PITPNM2: variants seen among roughly 807,000 people sequenced by gnomAD.
PITPNM2 encodes membrane-associated phosphatidylinositol transfer protein 2.
A neutral mutation model predicts 132.2 loss-of-function variants in PITPNM2; 35 were observed. The observed-to-expected ratio is 0.26, with a 90% CI of 0.20 to 0.35. The LOEUF is 0.35. Among genes scored for constraint, PITPNM2 ranks in the 10% least tolerant of loss-of-function variants. The pLI is 1.00. For missense variants in PITPNM2, 1,332 were observed against 1,912.0 expected, an observed-to-expected ratio of 0.70 and a Z score of 5.66; for synonymous variants, 738 against 799.2, an observed-to-expected ratio of 0.92 and a Z score of 1.29.
intron 2 of PITPNM2, among the ~76,000 whole-genome samples, chr12:123,085,096 A>G (rs1313670102): frequency 6.6e-6 from 1 of 152,182 alleles, no homozygotes; most frequent in Non-Finnish European, 1.5e-5. Context: ...CCTGAGATGA[A>G]CCTAGAGTTG....
intron 3 of PITPNM2, chr12:123,021,810 C>A: frequency 1.5e-6 from 1 of 679,680 alleles, no homozygotes; most frequent in Non-Finnish European, 1.8e-6. Flanking sequence ...TCTGTGTGGT[C>A]TCTGATAAGT....
At chr12:123,143,636 G>A (rs1374514855) in intron 1 of PITPNM2, among the ~76,000 whole-genome samples, 1 of 152,178 alleles carries the variant, frequency 6.6e-6, no homozygotes, top group East Asian at 1.9e-4. Flanking sequence ...TCCTTTGGGA[G>A]AAGGATTGGT....
chr12:123,032,320 T>C (rs2040122486), intron 3 of PITPNM2, among the ~76,000 whole-genome samples: 1 of 152,092 alleles, frequency 6.6e-6, no homozygotes, highest in South Asian at 2.1e-4. Flanking sequence ...CTACTAAAAA[T>C]ACGAAAATTA....
intron 3 of PITPNM2, among the ~76,000 whole-genome samples, chr12:123,032,603 G>A (rs150363874): frequency 6.6e-6 from 1 of 152,300 alleles, no homozygotes; most frequent in African/African-American, 2.4e-5. Flanking sequence ...CAGTCCTCCC[G>A]ATCTTGACAG....
chr12:122,988,274 C>G lies in PITPNM2; in HGVS notation c.2957G>C (p.Arg986Thr). The G allele has an allele frequency of 6.2e-7, 1 of 1,613,396 alleles. No individual in the cohort carries two copies. Among genetic ancestry groups the G allele is most frequent in the Non-Finnish European group, 8.5e-7 (1 of 1,180,000 alleles). ...GGTCCGCTTGCGCTGCCACTTCTCC[C>G]TTGGCTTTGAGGGGGTGAACACCGA... ...EVSVFTPSKPREKWQRKRTHV... is the reference protein window; with the variant it reads ...EVSVFTPSKPTEKWQRKRTHV... Residue 986 changes from arginine to threonine, a missense_variant, in exon 20 of 26, where the codon AGG becomes ACG. This residue lies in a region of PITPNM2 where 251 missense variants were observed against 472.0 expected (regional missense o/e 0.53). Coordinates refer to ENST00000320201, the MANE Select transcript of PITPNM2 (RefSeq NM_020845.3).
At chr12:123,138,227 G>C (rs764570863) in intron 1 of PITPNM2, among the ~76,000 whole-genome samples, 1 of 151,880 alleles carries the variant, frequency 6.6e-6, no homozygotes, top group Non-Finnish European at 1.5e-5. Flanking sequence ...TGGGTGGATC[G>C]CTTGAGCTCA....
rs765299730 is a variant in PITPNM2, at chr12:123,031,723, A to G, written c.78+2790T>C. ...AGGAACACCAACAGCCTTGCCCCCA[A>G]TCTCCCCTCCAAGCATGCTAGTGCC... On this transcript the variant is annotated intron_variant, in intron 3 of 25. Transcript: ENST00000320201. The surrounding 1 kb of genome is among the most constrained non-coding windows in gnomAD (Gnocchi z 4.5). Among the ~76,000 whole-genome samples, 6 of 151,906 alleles carry G rather than the reference A, an allele frequency of 3.9e-5. No homozygotes were observed. The highest frequency in any genetic ancestry group is 2.6e-4 in the Admixed American group (4 of 15,248).
rs1409765467 is a variant in PITPNM2, at chr12:123,004,573, C to A, written c.953-84G>T. 1.5e-6 allele frequency: 2 copies of A among 1,301,718 alleles called. No homozygotes were observed. Among genetic ancestry groups the A allele is most frequent in the Non-Finnish European group, 2.2e-6 (2 of 905,662 alleles). The allele number at this position is 1,301,718 out of a possible 1,614,324, so 80.6% of individuals were successfully genotyped here. ...CTGAGCCGGCAGGAGGCAGGGAGGGCCACCCACAGGCCTGACAGGCATCAC... is the reference window on the plus strand; with the variant it reads ...CTGAGCCGGCAGGAGGCAGGGAGGGACACCCACAGGCCTGACAGGCATCAC... On this transcript the variant is annotated intron_variant, in intron 7 of 25. Transcript: ENST00000320201. The surrounding 1 kb of genome is among the most constrained non-coding windows in gnomAD (Gnocchi z 4.9).
At chr12:123,012,802 G>A in intron 4 of PITPNM2, 68 bp from the exon 5 acceptor site, 2 of 1,580,482 alleles carry the variant, frequency 1.3e-6, no homozygotes, top group Non-Finnish European at 1.7e-6. Flanking sequence ...GCCAGGGCCT[G>A]TTGACCCACT....
intron 1 of PITPNM2, among the ~76,000 whole-genome samples, chr12:123,131,199 G>A (rs1480005195): frequency 6.6e-6 from 1 of 152,188 alleles, no homozygotes. Flanking sequence ...GTTAAGGTGA[G>A]GTTGCACTGG....
Position 123,111,391 on chromosome 12 carries a change from T to C in PITPNM2, c.-199-903A>G, listed in dbSNP as rs1295572220. On this transcript the variant is annotated intron_variant, in intron 1 of 25. Transcript: ENST00000320201. The surrounding 1 kb of genome is among the most constrained non-coding windows in gnomAD (Gnocchi z 4.1). ...GCCCAATTCCAGGGCAACCCTGCTT[T>C]AGGAGCTGAGGACAGGCATGGTGGG... is the stretch of plus-strand genomic sequence containing the variant. 6.6e-6 allele frequency among the ~76,000 whole-genome samples: 1 copy of C among 152,202 alleles called. No homozygotes were observed. The highest frequency in any genetic ancestry group is 1.5e-5 in the Non-Finnish European group (1 of 68,038).
intron 2 of PITPNM2, among the ~76,000 whole-genome samples, chr12:123,050,430 A>G (rs1224006351): frequency 6.6e-6 from 1 of 152,206 alleles, no homozygotes; most frequent in East Asian, 1.9e-4. Flanking sequence ...CCATACAGTG[A>G]GTCAGGGCAG....
rs2042951677 is a variant in PITPNM2, at chr12:123,117,292, C to A, written c.-199-6804G>T. 6.6e-6 allele frequency among the ~76,000 whole-genome samples: 1 copy of A among 152,190 alleles called. No individual in the cohort carries two copies. Among genetic ancestry groups the A allele is most frequent in the African/African-American group, 2.4e-5 (1 of 41,442 alleles). ...GAGGCTGGGGAATTTCTCCAGTGATCCTACGGAGTAAGCTGGCCATCAGAT... is the reference window on the plus strand; with the variant it reads ...GAGGCTGGGGAATTTCTCCAGTGATACTACGGAGTAAGCTGGCCATCAGAT... On this transcript the variant is annotated intron_variant, in intron 1 of 25. Transcript: ENST00000320201. This position sits in a 1 kb window ranked among gnomAD's most constrained non-coding sequence, Gnocchi z 4.7.
intron 2 of PITPNM2, among the ~76,000 whole-genome samples, chr12:123,066,492 G>C (rs1013415827): frequency 5.3e-5 from 8 of 152,108 alleles, no homozygotes; most frequent in Non-Finnish European, 1.0e-4. Context: ...GAGTGAGTCC[G>C]TGACCTCACC....
chr12:123,101,581 G>A (rs150696005), intron 2 of PITPNM2, among the ~76,000 whole-genome samples: 41 of 152,222 alleles, frequency 2.7e-4, no homozygotes, highest in African/African-American at 8.7e-4. Context: ...TTATTTTTAC[G>A]TCCAGCACAT....
At chr12:123,091,141 G>A (rs2042250461) in intron 2 of PITPNM2, 1 of 152,270 alleles carries the variant, frequency 6.6e-6, no homozygotes, top group Non-Finnish European at 1.5e-5. Flanking sequence ...ACAGCAAGGA[G>A]CATCTGCTCT....
chr12:123,037,352 G>C (rs1324966274), intron 2 of PITPNM2, among the ~76,000 whole-genome samples: 1 of 152,182 alleles, frequency 6.6e-6, no homozygotes, highest in Non-Finnish European at 1.5e-5. Flanking sequence ...AGTTCAATGG[G>C]GGTTGTTTCT....
chr12:123,116,878 A>G (rs1420782740), intron 1 of PITPNM2, among the ~76,000 whole-genome samples: 5 of 152,174 alleles, frequency 3.3e-5, no homozygotes, highest in African/African-American at 9.7e-5. Context: ...GCAGCCAGCC[A>G]CCTTGTCAAT....
chr12:122,988,627 G>T, intron 19 of PITPNM2, 97 bp downstream of exon 19: 1 of 1,286,736 alleles, frequency 7.8e-7, no homozygotes, highest in Non-Finnish European at 1.1e-6. Context: ...TGATGGGGTT[G>T]GAGAGGAGTC....
Sources: allele counts gnomAD v4.1 joint callset (sites outside exome capture counted in the v4.1 genomes callset), GRCh38; gene constraint gnomAD v4.1.1; regional missense constraint gnomAD v4.1.1; non-coding constraint Gnocchi (gnomAD v3.1); transcripts MANE v1.5; gene names NCBI Gene and HGNC (gene_info 2026-07-23, HGNC 2026-07-21).